The following GRID1 variants were observed in gnomAD, a reference collection of about 807,000 sequenced individuals.
GRID1 encodes the protein glutamate ionotropic receptor delta type subunit 1.
Under a neutral mutation model 98.0 loss-of-function variants are expected in GRID1, and 28 were observed. The ratio of observed to expected loss-of-function variants is 0.29; its 90% CI spans 0.21 to 0.39. The LOEUF (loss-of-function observed/expected upper bound fraction) is 0.39. Ranked by LOEUF, GRID1 falls within the 10% of genes least tolerant of loss-of-function variation. The probability of loss-of-function intolerance (pLI) is 1.00; values close to 1 mark genes in which losing one functional copy is unlikely to be tolerated. For synonymous variants in GRID1, 553 were observed against 538.5 expected (o/e 1.03, Z -0.37); for missense variants, 1,111 against 1,340.5 (o/e 0.83, Z 2.67).
rs1485348744 is a variant in GRID1 at position 85,601,280 on chromosome 10, T to A, written c.*993A>T. ...CTGCATCTATGGCCTCACTTCCTTCTCTCACCTGGGACCATGGGTCCAAAC... is the reference window on the plus strand; with the variant it reads ...CTGCATCTATGGCCTCACTTCCTTCACTCACCTGGGACCATGGGTCCAAAC... On this transcript the variant is annotated 3_prime_UTR_variant, in exon 16 of 16. Transcript: ENST00000327946. 1 of 152,418 alleles carries A rather than the reference T, an allele frequency of 6.6e-6. No homozygotes were observed. The highest frequency in any genetic ancestry group is 1.5e-5 in the Non-Finnish European group (1 of 68,342). The allele number at this position is 152,418 out of a possible 1,614,324, so 9.4% of individuals were successfully genotyped here. A position where few individuals can be genotyped will look rare whatever the true frequency, so the allele number is the denominator to read the frequency against.
chr10:85,678,291 A>AT (rs1841168334), intron 12 of GRID1, among the ~76,000 whole-genome samples: 1 of 152,142 alleles, frequency 6.6e-6, no homozygotes, highest in African/African-American at 2.4e-5. Flanking sequence ...CAGAGGAGTG[A>AT]TTTTTTGTTG....
intron 15 of GRID1, among the ~76,000 whole-genome samples, chr10:85,610,405 C>T (rs893618400): frequency 6.6e-6 from 1 of 152,166 alleles, no homozygotes; most frequent in African/African-American, 2.4e-5. Context: ...CACGTTGACA[C>T]TTCAGCCCTT....
intron 8 of GRID1, among the ~76,000 whole-genome samples, chr10:85,771,802 GA>G (rs1842271583): frequency 1.3e-5 from 2 of 152,108 alleles, no homozygotes; most frequent in Admixed American, 6.5e-5. Context: ...CCCAATACAG[GA>G]GTACCCAGAT....
intron 14 of GRID1, among the ~76,000 whole-genome samples, chr10:85,614,670 A>G (rs1466610230): frequency 2.6e-5 from 4 of 152,132 alleles, no homozygotes; most frequent in African/African-American, 9.7e-5. Context: ...GGCCAGTGAG[A>G]CTATTGGGTG....
intron 6 of GRID1, among the ~76,000 whole-genome samples, chr10:85,862,019 A>C (rs1564612302): frequency 6.8e-6 from 1 of 146,688 alleles, no homozygotes; most frequent in South Asian, 2.2e-4. Context: ...TCACATCACC[A>C]AGGGCAGAGC....
At chr10:86,354,781 G>A (rs12355013) in intron 2 of GRID1, among the ~76,000 whole-genome samples, 38,417 of 152,134 alleles carry the variant, frequency 0.25, 5,284 homozygotes, top group South Asian at 0.46. Flanking sequence ...AGCAGACAAG[G>A]CCACAGTAAG....
chr10:86,230,313 G>T (rs1442702141), intron 2 of GRID1, among the ~76,000 whole-genome samples: 2 of 152,158 alleles, frequency 1.3e-5, no homozygotes, highest in Non-Finnish European at 2.9e-5. Flanking sequence ...CACTTCTCTG[G>T]TCACACAGTT....
chr10:85,627,781 G>A (rs975942608), intron 13 of GRID1, among the ~76,000 whole-genome samples: 3 of 152,174 alleles, frequency 2.0e-5, no homozygotes. Flanking sequence ...GGAAATTCCC[G>A]AAGGCAAAAC....
chr10:86,269,012 T>C (rs937892337), intron 2 of GRID1, among the ~76,000 whole-genome samples: 8 of 151,930 alleles, frequency 5.3e-5, no homozygotes, highest in African/African-American at 1.9e-4. Flanking sequence ...AAAGAAAGAT[T>C]GGGGTTTGGA....
At chr10:85,770,376 A>G (rs185511982) in intron 8 of GRID1, among the ~76,000 whole-genome samples, 46 of 152,186 alleles carry the variant, frequency 3.0e-4, no homozygotes, top group African/African-American at 9.4e-4. Flanking sequence ...AAAGATGGGG[A>G]AAAAAAAGAG....
chr10:86,361,986 G>A (rs1050744593), intron 2 of GRID1, among the ~76,000 whole-genome samples: 2 of 152,184 alleles, frequency 1.3e-5, no homozygotes, highest in African/African-American at 2.4e-5. Context: ...TGATGGGAGC[G>A]GACGGGCATC....
Position 85,846,789 on chromosome 10 carries a change from C to T in GRID1, c.1233+7707G>A, listed in dbSNP as rs1237226014. ...GCTGTAAGTAATGAATTTGAAAATT[C>T]CAGTGAACTGCAAGATTTTCAGTGA... On this transcript the variant is annotated intron_variant, in intron 8 of 15. Coordinates refer to ENST00000327946, the MANE Select transcript of GRID1 (RefSeq NM_017551.3). Among the ~76,000 whole-genome samples the T allele has an allele frequency of 2.0e-5, 3 of 152,050 alleles. No individual in the cohort carries two copies. In the East Asian group the frequency reaches 5.8e-4, roughly 29 times the overall value.
chr10:86,070,723 C>T (rs957371521), intron 4 of GRID1, among the ~76,000 whole-genome samples: 3 of 152,240 alleles, frequency 2.0e-5, no homozygotes, highest in African/African-American at 7.2e-5. Flanking sequence ...TCCACCCACT[C>T]ATCTGTGTGT....
intron 5 of GRID1, among the ~76,000 whole-genome samples, chr10:85,906,946 G>T (rs1841469442): frequency 6.6e-6 from 1 of 152,084 alleles, no homozygotes; most frequent in Non-Finnish European, 1.5e-5. Context: ...CTGGTTCTTT[G>T]AAATGAATAA....
intron 12 of GRID1, among the ~76,000 whole-genome samples, chr10:85,651,885 A>G (rs1169397356): frequency 6.6e-6 from 1 of 152,026 alleles, no homozygotes; most frequent in Admixed American, 6.6e-5. Context: ...GACAAAGCCT[A>G]CCCTCTCCTC....
chr10:85,850,366 A>G (rs1157665645), intron 8 of GRID1, among the ~76,000 whole-genome samples: 1 of 152,200 alleles, frequency 6.6e-6, no homozygotes. Context: ...TCTTCTTGCA[A>G]TGATTACACC....
At chr10:86,296,298 A>G (rs36001894) in intron 2 of GRID1, among the ~76,000 whole-genome samples, 3,476 of 152,368 alleles carry the variant, frequency 0.023, 45 homozygotes, top group Middle Eastern at 0.051. Context: ...GCTGTGCCCA[A>G]TGTCTGTCTG....
At chr10:86,349,239 C>T (rs552895560) in intron 2 of GRID1, among the ~76,000 whole-genome samples, 12 of 152,342 alleles carry the variant, frequency 7.9e-5, no homozygotes, top group African/African-American at 2.2e-4. Flanking sequence ...CCATTTCACC[C>T]ATGGAGGCTG....
chr10:85,690,236 T>C (rs561262252), intron 12 of GRID1, among the ~76,000 whole-genome samples: 267 of 152,310 alleles, frequency 1.8e-3, no homozygotes, highest in African/African-American at 6.0e-3. Flanking sequence ...TATGTACTTT[T>C]ATAGCAATAA....
Sources: allele counts gnomAD v4.1 joint callset (sites outside exome capture counted in the v4.1 genomes callset), GRCh38; gene constraint gnomAD v4.1.1; transcripts MANE v1.5; gene names NCBI Gene and HGNC (gene_info 2026-07-23, HGNC 2026-07-21).